The following MROH7 variants were observed in gnomAD, a reference collection of about 807,000 sequenced individuals.
The protein encoded by MROH7 is maestro heat like repeat family member 7.
A neutral mutation model predicts 129.2 loss-of-function variants in MROH7; 113 were observed. The observed-to-expected ratio is 0.87, with a 90% CI of 0.75 to 1.02. The LOEUF is 1.02. Among genes scored for constraint, MROH7 ranks in the 50% least tolerant of loss-of-function variants. The pLI, the probability that MROH7 is intolerant of heterozygous loss-of-function variation, is 0.00. For synonymous variants in MROH7, 655 were observed against 667.9 expected (o/e 0.98, Z 0.30); for missense variants, 1,601 against 1,671.3 (o/e 0.96, Z 0.73).
chr1:54,698,277 T>A (rs80138767), intron 17 of MROH7: 2,702 of 154,090 alleles, frequency 0.018, 71 homozygotes, highest in African/African-American at 0.062. Context: ...CCTAGAGTGG[T>A]CAGGTTTACA....
At chr1:54,676,059 A>G (rs1196752400) in intron 10 of MROH7, among the ~76,000 whole-genome samples, 1 of 152,214 alleles carries the variant, frequency 6.6e-6, no homozygotes, top group Non-Finnish European at 1.5e-5. Flanking sequence ...TTTGAATTTC[A>G]GGTAAACAAT....
chr1:54,653,355 C>G lies in MROH7; in HGVS notation c.429C>G (p.Asn143Lys). ...AGGCCCCTCGTCTGAGCTCTGGGAACCACCCTCAGTCAAATTCTGAAGATG... is the reference window on the plus strand; with the variant it reads ...AGGCCCCTCGTCTGAGCTCTGGGAAGCACCCTCAGTCAAATTCTGAAGATG... ...STEAPRLSSG[N>K]HPQSNSEDAF... Residue 143 changes from asparagine (N) to lysine (K), a missense_variant, in exon 3 of 24, where the codon AAC (asparagine) becomes AAG (lysine). Coordinates refer to ENST00000421030, the MANE Select transcript of MROH7 (RefSeq NM_001039464.4). 6.2e-7 allele frequency: 1 copy of G among 1,614,196 alleles called. No individual in the cohort carries two copies. Among genetic ancestry groups the G allele is most frequent in the South Asian group, 1.1e-5 (1 of 91,082 alleles).
At chr1:54,688,341 G>C (rs953641339) in intron 15 of MROH7, among the ~76,000 whole-genome samples, 1 of 151,580 alleles carries the variant, frequency 6.6e-6, no homozygotes, top group African/African-American at 2.4e-5. Flanking sequence ...CAAAGTGCTA[G>C]GATTATAGGT....
Position 54,688,863 on chromosome 1 carries a change from G to C in MROH7, c.2711+2415G>C, listed in dbSNP as rs574230023. Among the ~76,000 whole-genome samples the C allele has an allele frequency of 9.8e-5, 15 of 152,304 alleles. No homozygotes were observed. In the East Asian group the frequency reaches 2.7e-3, roughly 27 times the overall value. ...ATGGGAAAAAATTCTTGACCTTGGAGTGATGAAAGGTATGACCTGCCAATG... is the reference window on the plus strand; with the variant it reads ...ATGGGAAAAAATTCTTGACCTTGGACTGATGAAAGGTATGACCTGCCAATG... On this transcript the variant is annotated intron_variant, in intron 15 of 23. Coordinates refer to ENST00000421030, the MANE Select transcript of MROH7 (RefSeq NM_001039464.4).
rs1188699191 is a variant in MROH7 at position 54,651,969 on chromosome 1, A to T, written c.-89A>T. 6.6e-6 allele frequency: 1 copy of T among 151,478 alleles called. No homozygotes were observed. Among genetic ancestry groups the T allele is most frequent in the African/African-American group, 2.4e-5 (1 of 41,034 alleles). The allele number at this position is 151,478 out of a possible 1,614,324, so 9.4% of individuals were successfully genotyped here. A position where few individuals can be genotyped will look rare whatever the true frequency, so the allele number is the denominator to read the frequency against. ...CCCAGGGGCCCGCTCCTGCTTAAAA[A>T]CACCATGCATGCAGGTGAGCTGTCC... On this transcript the variant is annotated 5_prime_UTR_variant, in exon 2 of 24. Coordinates refer to ENST00000421030, the MANE Select transcript of MROH7 (RefSeq NM_001039464.4).
At chr1:54,659,104 T>TTTTG (rs1644692277) in intron 3 of MROH7, 2 of 430,816 alleles carry the variant, frequency 4.6e-6, no homozygotes, top group East Asian at 7.8e-5. Flanking sequence ...GTTTGTTTTG[T>TTTTG]TTTTTTTTAG....
At chr1:54,655,980 G>A (rs182337488) in intron 3 of MROH7, among the ~76,000 whole-genome samples, 4 of 142,686 alleles carry the variant, frequency 2.8e-5, no homozygotes, top group Admixed American at 1.4e-4. Context: ...CACAACCTCC[G>A]CCCCCTGGGT....
chr1:54,678,834 A>T lies in MROH7; in HGVS notation c.2029A>T (p.Asn677Tyr). Reference sequence around the variant, plus strand: ...CTACAACCCTGTGAGCCCGTGCCAGAACATTCTGCGGGTGATCGAGGTGAC... The same window carrying T: ...CTACAACCCTGTGAGCCCGTGCCAGTACATTCTGCGGGTGATCGAGGTGAC... ...GPYNPVSPCQNILRVIEEFGD... is the reference protein window; with the variant it reads ...GPYNPVSPCQYILRVIEEFGD... Residue 677 changes from asparagine to tyrosine, a missense_variant, in exon 11 of 24, where the codon AAC (asparagine) becomes TAC (tyrosine). Asn to Tyr is a moderately radical substitution (Grantham distance 143, BLOSUM62 -2). Coordinates refer to ENST00000421030, the MANE Select transcript of MROH7 (RefSeq NM_001039464.4). 1 of 1,613,964 alleles carries T rather than the reference A, an allele frequency of 6.2e-7. No individual in the cohort carries two copies. The highest frequency in any genetic ancestry group is 8.5e-7 in the Non-Finnish European group (1 of 1,179,898).
At position 54,653,450 on chromosome 1, in the gene MROH7, T is replaced by G; in HGVS notation, c.524T>G (p.Leu175Ter). 6.2e-7 allele frequency: 1 copy of G among 1,614,168 alleles called. No homozygotes were observed. Among genetic ancestry groups the G allele is most frequent in the Non-Finnish European group, 8.5e-7 (1 of 1,180,016 alleles). ...AACTCCAACCCTTCTAGGCATGAAT[T>G]AAACCCATTTATAAGGCACCATTCC... ...QRNSNPSRHE[L>*]NPFIRHHSRE... The change falls in exon 3 of 24, where the codon TTA becomes TGA. Residue 175 changes from leucine (L) to a stop codon, truncating the protein, a stop_gained. Coordinates refer to ENST00000421030, the MANE Select transcript of MROH7 (RefSeq NM_001039464.4). LOFTEE classifies it high-confidence loss of function.
At chr1:54,672,987 TG>T in intron 7 of MROH7, 103 bp from the exon 8 acceptor site, 1 of 730,128 alleles carries the variant, frequency 1.4e-6, no homozygotes, top group Non-Finnish European at 2.3e-6. Context: ...GCAGCTTTCC[TG>T]GGTCTTAATT....
chr1:54,654,380 A>G (rs557363720), intron 3 of MROH7, among the ~76,000 whole-genome samples: 6 of 152,236 alleles, frequency 3.9e-5, no homozygotes, highest in Non-Finnish European at 8.8e-5. Context: ...TGACTGTAAT[A>G]TCAGTATATA....
In MROH7 at chr1:54,678,058, T is replaced by C. The variant is rs1645009553; in HGVS notation, c.1937-684T>C. ...TAAATGAAACAGACAGACAATGACA[T>C]GTGCTGGCAAGATGTGGAGCAATGG... On this transcript the variant is annotated intron_variant, in intron 10 of 23. Coordinates refer to ENST00000421030, the MANE Select transcript of MROH7 (RefSeq NM_001039464.4). 3.3e-5 allele frequency among the ~76,000 whole-genome samples: 5 copies of C among 152,284 alleles called. No homozygotes were observed. The South Asian group carries it at 1.0e-3, about 32-fold the overall frequency.
intron 3 of MROH7, 106 bp downstream of exon 3, chr1:54,654,263 T>A (rs996338348): frequency 4.4e-6 from 5 of 1,127,006 alleles, no homozygotes; most frequent in Non-Finnish European, 2.5e-6. Flanking sequence ...CAGCAGGCAG[T>A]TGATAACATA....
At position 54,710,056 on chromosome 1, in the gene MROH7, A is replaced by C. The variant is rs1645599531; in HGVS notation, c.3841A>C (p.Asn1281His). ...GCAGAACTCCTGGCTGCCGCACGGG[A>C]ACTCATGGGTGTGTTACTCAGCCAC... The part of the protein sequence containing the change: ...CWQNSWLPHG[N>H]SWVCYSATTH... Residue 1281 changes from asparagine (N) to histidine (H), a missense_variant, in exon 24 of 24, where the codon AAC becomes CAC. By Grantham distance (68) the Asn-to-His change is moderately conservative. Transcript: ENST00000421030. 1 of 1,614,052 alleles carries C rather than the reference A, an allele frequency of 6.2e-7. No individual in the cohort carries two copies. The highest frequency in any genetic ancestry group is 1.3e-5 in the African/African-American group (1 of 75,014).
chr1:54,709,087 C>T lies in MROH7; in HGVS notation c.3730+11C>T. The T allele has an allele frequency of 6.2e-7, 1 of 1,613,788 alleles. No homozygotes were observed. Among genetic ancestry groups the T allele is most frequent in the Non-Finnish European group, 8.5e-7 (1 of 1,179,704 alleles). The stretch of plus-strand genomic sequence containing the variant: ...ATGAAGTGAAAGCTGGTAAGTCATG[C>T]CCCGCATTGGTGAAATTTCAGGGGA... On this transcript the variant is annotated intron_variant, in intron 23 of 23. Transcript: ENST00000421030.
At position 54,701,295 on chromosome 1, in the gene MROH7, GC is replaced by G. The variant is rs775176400; in HGVS notation, c.3259del (p.Gln1087ArgfsTer50). On this transcript the variant is annotated frameshift_variant, in exon 19 of 24. Coordinates refer to ENST00000421030, the MANE Select transcript of MROH7 (RefSeq NM_001039464.4). LOFTEE classifies it high-confidence loss of function. ...MDSAVYVEML[Q>X]ILLPHFSDAR... Reference sequence around the variant, plus strand: ...ACAGTGCGGTCTATGTGGAGATGCTGCAGATCCTGCTGCCGCACTTCAGCGA... The same window carrying G: ...ACAGTGCGGTCTATGTGGAGATGCTGAGATCCTGCTGCCGCACTTCAGCGA... The G allele has an allele frequency of 1.9e-6, 3 of 1,601,288 alleles. No individual in the cohort carries two copies. Among genetic ancestry groups the G allele is most frequent in the Non-Finnish European group, 2.6e-6 (3 of 1,171,142 alleles).
rs184354687 is a variant in MROH7 at position 54,686,365 on chromosome 1, C to T, written c.2628C>T (p.His876=). 28 of 1,614,200 alleles carry T rather than the reference C, an allele frequency of 1.7e-5. No individual in the cohort carries two copies. In the African/African-American group the frequency reaches 3.5e-4, roughly 20 times the overall value. Residue 876 remains histidine (H), a synonymous_variant, in exon 15 of 24, where the codon CAC becomes CAT. Coordinates refer to ENST00000421030, the MANE Select transcript of MROH7 (RefSeq NM_001039464.4). ...LLALLIQVHY[H]IGLNLPGCVA... ...CCCTGCTCATTCAGGTCCATTACCA[C>T]ATCGGCCTCAACCTGCCTGGCTGCG...
intron 10 of MROH7, 75 bp from the exon 11 acceptor site, chr1:54,678,667 T>C (rs973257574): frequency 2.0e-6 from 2 of 978,790 alleles, no homozygotes; most frequent in Non-Finnish European, 3.3e-6. Context: ...TTCCTTATGA[T>C]GTAGGGACTT....
intron 20 of MROH7, 120 bp downstream of exon 20, chr1:54,702,365 C>A: frequency 1.0e-6 from 1 of 971,216 alleles, no homozygotes; most frequent in Non-Finnish European, 1.4e-6. Flanking sequence ...TATGTCCAGC[C>A]ATGTCTGTTT....
Sources: allele counts gnomAD v4.1 joint callset (sites outside exome capture counted in the v4.1 genomes callset), GRCh38; gene constraint gnomAD v4.1.1; transcripts MANE v1.5; gene names NCBI Gene and HGNC (gene_info 2026-07-23, HGNC 2026-07-21).